Variants in SHLD1 observed in about 807,000 individuals in gnomAD.
The protein encoded by SHLD1 is RINN1-REV7-interacting novel NHEJ regulator 3.
A neutral mutation model predicts 5.5 loss-of-function variants in SHLD1; 3 were observed. The observed-to-expected ratio is 0.54, with a 90% CI of 0.25 to 1.40. The LOEUF is 1.40. Ranked by LOEUF, SHLD1 falls within the 40% of genes most tolerant of loss-of-function variation. The pLI is 0.15. For missense variants in SHLD1, 210 were observed against 244.4 expected (o/e 0.86, Z 0.94); for synonymous variants, 92 against 94.3 (o/e 0.98, Z 0.14).
chr20:5,857,058 T>C (rs1432916531), intron 2 of SHLD1, among the ~76,000 whole-genome samples: 1 of 152,184 alleles, frequency 6.6e-6, no homozygotes, highest in Non-Finnish European at 1.5e-5. Context: ...CTCGGCTCAC[T>C]GCAACCTCTG....
intron 1 of SHLD1, among the ~76,000 whole-genome samples, chr20:5,763,162 C>A (rs1213208557): frequency 1.3e-5 from 2 of 151,534 alleles, no homozygotes; most frequent in Non-Finnish European, 2.9e-5. Context: ...CAAAATTATC[C>A]AGGCGTAGTG....
chr20:5,800,236 C>T (rs2087272419), intron 2 of SHLD1, among the ~76,000 whole-genome samples: 1 of 152,214 alleles, frequency 6.6e-6, no homozygotes, highest in Non-Finnish European at 1.5e-5. Flanking sequence ...AGATTCTTCC[C>T]ACACTGTCTT....
At chr20:5,862,961 T>G in intron 2 of SHLD1, 63 bp from the exon 3 acceptor site, 1 of 1,418,798 alleles carries the variant, frequency 7.0e-7, no homozygotes, top group Non-Finnish European at 9.6e-7. Context: ...TCATCTGCTC[T>G]TGGCTTGCTT....
intron 2 of SHLD1, among the ~76,000 whole-genome samples, chr20:5,779,201 A>T (rs370536013): frequency 0.013 from 1,717 of 133,126 alleles, 34 homozygotes; most frequent in African/African-American, 0.047. Flanking sequence ...GACTCTGTCT[A>T]AAAAAAAAAA....
chr20:5,831,824 G>C (rs2087731799), intron 2 of SHLD1, among the ~76,000 whole-genome samples: 1 of 152,140 alleles, frequency 6.6e-6, no homozygotes, highest in South Asian at 2.1e-4. Flanking sequence ...GAAGAAAAAG[G>C]TAAACACTCA....
At chr20:5,844,785 A>ATTTTTTTTTTTTT in intron 2 of SHLD1, among the ~76,000 whole-genome samples, 1 of 102,406 alleles carries the variant, frequency 9.8e-6, no homozygotes, top group South Asian at 3.0e-4. Flanking sequence ...ATATATATAT[A>ATTTTTTTTTTTTT]TATATATATA....
chr20:5,860,405 A>T (rs1600188054), intron 2 of SHLD1, among the ~76,000 whole-genome samples: 1 of 152,234 alleles, frequency 6.6e-6, no homozygotes, highest in East Asian at 1.9e-4. Flanking sequence ...AGATTTGCTC[A>T]CAAAAAATCA....
chr20:5,863,290 C>G lies in SHLD1; in HGVS notation c.445C>G (p.Arg149Gly), dbSNP rs944266178. 2 of 1,614,186 alleles carry G rather than the reference C, an allele frequency of 1.2e-6. No homozygotes were observed. The highest frequency in any genetic ancestry group is 2.2e-5 in the East Asian group (1 of 44,878). Residue 149 changes from arginine (R) to glycine (G), a missense_variant, in exon 3 of 3, where the codon CGG becomes GGG. Transcript: ENST00000303142. ...TGCCCTCCGCAGTTTTCAAATGGCC[C>G]GGGTGATCTTCAACCGGGACGGCTG... is the stretch of plus-strand genomic sequence containing the variant. ...KYALRSFQMA[R>G]VIFNRDGCSV... is the part of the protein sequence containing the mutation.
At chr20:5,850,410 G>A (rs2087992941) in intron 2 of SHLD1, among the ~76,000 whole-genome samples, 1 of 151,788 alleles carries the variant, frequency 6.6e-6, no homozygotes, top group Non-Finnish European at 1.5e-5. Flanking sequence ...TCTCATGTCT[G>A]CACCTAGCAC....
At chr20:5,834,180 A>G (rs1219837605) in intron 2 of SHLD1, among the ~76,000 whole-genome samples, 1 of 152,150 alleles carries the variant, frequency 6.6e-6, no homozygotes, top group Non-Finnish European at 1.5e-5. Context: ...GGAGGCCGGG[A>G]GGGTGTCAGG....
chr20:5,829,284 G>A (rs2087701611), intron 2 of SHLD1, among the ~76,000 whole-genome samples: 1 of 152,156 alleles, frequency 6.6e-6, no homozygotes, highest in Admixed American at 6.5e-5. Context: ...TAGCAACATA[G>A]CCTACAAGCC....
intron 2 of SHLD1, among the ~76,000 whole-genome samples, chr20:5,852,836 TC>T (rs1401248339): frequency 1.3e-5 from 2 of 152,226 alleles, no homozygotes; most frequent in Non-Finnish European, 2.9e-5. Context: ...ACTATGTCAG[TC>T]TTTAGGAAAT....
At chr20:5,858,019 A>G (rs2088112481) in intron 2 of SHLD1, among the ~76,000 whole-genome samples, 1 of 151,702 alleles carries the variant, frequency 6.6e-6, no homozygotes, top group African/African-American at 2.4e-5. Flanking sequence ...GAATCACTTG[A>G]ACCCCGGAGG....
intron 1 of SHLD1, among the ~76,000 whole-genome samples, chr20:5,764,422 G>A (rs1984708706): frequency 1.3e-5 from 2 of 149,462 alleles, no homozygotes; most frequent in South Asian, 4.2e-4. Flanking sequence ...AAGTGAGGTG[G>A]CTTATGCCTG....
intron 2 of SHLD1, among the ~76,000 whole-genome samples, chr20:5,787,559 A>G (rs749994711): frequency 6.6e-6 from 1 of 152,198 alleles, no homozygotes; most frequent in Non-Finnish European, 1.5e-5. Flanking sequence ...TGTTTGACTG[A>G]CCAGGTTCAT....
chr20:5,854,871 T>G (rs2088061184), intron 2 of SHLD1, among the ~76,000 whole-genome samples: 1 of 41,142 alleles, frequency 2.4e-5, no homozygotes, highest in African/African-American at 8.3e-5. Flanking sequence ...TCTCTATGAC[T>G]CTTTTTTTTT....
At chr20:5,814,471 G>A (rs2087501608) in intron 2 of SHLD1, among the ~76,000 whole-genome samples, 1 of 151,974 alleles carries the variant, frequency 6.6e-6, no homozygotes, top group African/African-American at 2.4e-5. Context: ...AAATGTTCTA[G>A]AATTTAAAAT....
chr20:5,772,793 C>G, intron 1 of SHLD1, 69 bp from the exon 2 acceptor site: 2 of 1,339,186 alleles, frequency 1.5e-6, no homozygotes, highest in Non-Finnish European at 1.0e-6. Context: ...TCTTCAAGCT[C>G]TGTCTCCAAT....
intron 2 of SHLD1, among the ~76,000 whole-genome samples, chr20:5,779,282 C>T (rs1985581765): frequency 1.3e-5 from 2 of 152,118 alleles, no homozygotes; most frequent in Admixed American, 6.6e-5. Context: ...AGGTGACAGC[C>T]TTAAACTCTG....
Sources: gnomAD v4.1 joint callset for allele counts (sites outside exome capture counted in the v4.1 genomes callset) on GRCh38, gnomAD v4.1.1 for gene constraint, MANE v1.5 for transcripts, NCBI Gene and HGNC (gene_info 2026-07-23, HGNC 2026-07-21) for gene names.